The following IKBIP variants were observed in gnomAD, a reference collection of about 807,000 sequenced individuals.
IKBIP encodes inhibitor of nuclear factor kappa-B kinase-interacting protein.
A neutral mutation model predicts 31.0 loss-of-function variants in IKBIP; 28 were observed. That is an observed-to-expected ratio of 0.90 (90% CI 0.67 to 1.24). The LOEUF (loss-of-function observed/expected upper bound fraction) is 1.24. Among genes scored for constraint, IKBIP ranks in the 50% most tolerant of loss-of-function variants. IKBIP has a pLI of 0.00. For missense variants in IKBIP, 453 were observed against 441.9 expected (o/e 1.03, Z -0.23); for synonymous variants, 164 against 160.3 (o/e 1.02, Z -0.17).
At chr12:98,630,155 G>T (rs371729580) in intron 2 of IKBIP, among the ~76,000 whole-genome samples, 1 of 151,726 alleles carries the variant, frequency 6.6e-6, no homozygotes, top group African/African-American at 2.4e-5. Flanking sequence ...AGGCTGAGGC[G>T]GGTGGACCAC....
In IKBIP at chr12:98,614,824, GA is replaced by G. The variant is rs542380979; in HGVS notation, c.298-485del. Among the ~76,000 whole-genome samples, 278 of 152,266 alleles carry G rather than the reference GA, an allele frequency of 1.8e-3. 1 individual carries two copies. Among genetic ancestry groups the G allele is most frequent in the African/African-American group, 6.4e-3 (267 of 41,560 alleles). ...TAAGAGAATTTAGAACAATGTAAGT[GA>G]ATTACTAATGAATAAGAAGGAAACA... On this transcript the variant is annotated intron_variant, in intron 2 of 2. Transcript: ENST00000342502.
At position 98,626,007 on chromosome 12, in the gene IKBIP, C is replaced by T. The variant is rs148216565; in HGVS notation, c.1057G>A (p.Ala353Thr). The T allele has an allele frequency of 6.5e-7, 1 of 1,544,998 alleles. No individual in the cohort carries two copies. Among genetic ancestry groups the T allele is most frequent in the Non-Finnish European group, 8.8e-7 (1 of 1,140,986 alleles). Residue 353 changes from alanine (A) to threonine (T), a missense_variant, in exon 3 of 3, where the codon GCA (alanine) becomes ACA (threonine). By Grantham distance (58) the Ala-to-Thr change is moderately conservative (BLOSUM62 0). Coordinates refer to ENST00000299157, the MANE Select transcript of IKBIP (RefSeq NM_153687.4). ...CCCTTTTCTCCTGTACTTGAGTATG[C>T]TATAAAATCATGAACTTTTTCTTTT... ...ILKEKVHDFIAYSSTGEKGTL... is the reference protein window; with the variant it reads ...ILKEKVHDFITYSSTGEKGTL...
chr12:98,637,835 C>T (rs1593000198), intron 1 of IKBIP, among the ~76,000 whole-genome samples: 1 of 152,214 alleles, frequency 6.6e-6, no homozygotes, highest in Non-Finnish European at 1.5e-5. Flanking sequence ...TGAGCCACCG[C>T]ACCCAGCCTA....
Position 98,624,585 on chromosome 12 carries a change from T to G in IKBIP, c.*1345A>C. ...TCCATCAAAAACTGCATTATAAAAC[T>G]GGTAAGGTTATTGACAAAGAAACAA... is the stretch of plus-strand genomic sequence containing the variant. On this transcript the variant is annotated 3_prime_UTR_variant, in exon 3 of 3. Transcript: ENST00000299157. The G allele has an allele frequency of 1.1e-6, 1 of 944,886 alleles. No homozygotes were observed. The highest frequency in any genetic ancestry group is 1.2e-4 in the East Asian group (1 of 8,652). 58.5% of individuals were successfully genotyped at this position (944,886 alleles called of 1,614,324 possible).
chr12:98,628,945 G>T (rs1018795022), intron 2 of IKBIP, among the ~76,000 whole-genome samples: 5 of 152,206 alleles, frequency 3.3e-5, no homozygotes, highest in Admixed American at 6.5e-5. Flanking sequence ...GGGGGCAATG[G>T]ATGCTTTGAG....
intron 1 of IKBIP, among the ~76,000 whole-genome samples, chr12:98,635,237 C>CCT (rs2097624796): frequency 6.6e-6 from 1 of 152,032 alleles, no homozygotes; most frequent in South Asian, 2.1e-4. Context: ...GAACTCCTGA[C>CCT]CAGTGATCTG....
chr12:98,632,512 A>AAATAT (rs1565842287), intron 2 of IKBIP, among the ~76,000 whole-genome samples: 4 of 22,794 alleles, frequency 1.8e-4, no homozygotes, highest in Admixed American at 1.0e-3. Context: ...AAAAAAAAAA[A>AAATAT]ATATATATAT....
At chr12:98,644,067 T>A (rs1013707687) in intron 1 of IKBIP, among the ~76,000 whole-genome samples, 1 of 152,192 alleles carries the variant, frequency 6.6e-6, no homozygotes, top group South Asian at 2.1e-4. Context: ...TCCACCTGCC[T>A]CGGTCTCCAA....
chr12:98,623,409 C>T (rs1169423028), downstream of IKBIP, among the ~76,000 whole-genome samples: 1 of 148,754 alleles, frequency 6.7e-6, no homozygotes, highest in Non-Finnish European at 1.5e-5. Flanking sequence ...CAGGGATGCG[C>T]TTTTTTTTGA....
chr12:98,619,432 CTTGG>C (rs1354167790), downstream of IKBIP, among the ~76,000 whole-genome samples: 1 of 152,152 alleles, frequency 6.6e-6, no homozygotes, highest in African/African-American at 2.4e-5. Context: ...CTTTGTTTCA[CTTGG>C]TTGTTTATAA....
At chr12:98,630,906 G>T (rs916403520) in intron 2 of IKBIP, among the ~76,000 whole-genome samples, 1 of 149,334 alleles carries the variant, frequency 6.7e-6, no homozygotes, top group Admixed American at 6.9e-5. Flanking sequence ...AAAAAGCTAC[G>T]AAAAGACTGA....
intron 1 of IKBIP, among the ~76,000 whole-genome samples, chr12:98,643,944 G>T (rs1445087641): frequency 1.3e-5 from 2 of 151,562 alleles, no homozygotes; most frequent in Non-Finnish European, 2.9e-5. Flanking sequence ...GCCTCCGGAG[G>T]AACTGGGACT....
chr12:98,629,054 T>C (rs918124513), intron 2 of IKBIP, among the ~76,000 whole-genome samples: 8 of 152,192 alleles, frequency 5.3e-5, no homozygotes, highest in African/African-American at 1.9e-4. Context: ...AGGGTGAAGA[T>C]GTGAAAGCTT....
In IKBIP at chr12:98,644,671, C is replaced by G. The variant is rs747503376; in HGVS notation, c.31G>C (p.Gly11Arg). 6.2e-7 allele frequency: 1 copy of G among 1,610,360 alleles called. No individual in the cohort carries two copies. The highest frequency in any genetic ancestry group is 1.1e-5 in the South Asian group (1 of 91,042). ...TCCGCAGCAGGGGCTCCCTTGGGCC[C>G]CGACTTCTTCCGGCTCTTCACCTCA... is the stretch of plus-strand genomic sequence containing the variant. MSEVKSRKKSGPKGAPAAEPG... is the reference protein window; with the variant it reads MSEVKSRKKSRPKGAPAAEPG... The change falls in exon 1 of 3, where the codon GGG becomes CGG. Residue 11 changes from glycine (G) to arginine (R), a missense_variant. Gly to Arg is a moderately radical substitution (Grantham distance 125). Coordinates refer to ENST00000299157, the MANE Select transcript of IKBIP (RefSeq NM_153687.4).
chr12:98,637,042 G>A (rs2153300381), intron 1 of IKBIP, among the ~76,000 whole-genome samples: 2 of 152,188 alleles, frequency 1.3e-5, no homozygotes, highest in Middle Eastern at 3.4e-3. Flanking sequence ...ATTATTATAA[G>A]AGACTTTCGT....
chr12:98,619,871 C>CAG (rs1244214921), downstream of IKBIP, among the ~76,000 whole-genome samples: 13 of 90,556 alleles, frequency 1.4e-4, no homozygotes, highest in East Asian at 4.6e-3. Context: ...GACCCTTTCT[C>CAG]AGAAAAAAAA....
At chr12:98,619,912 A>ATTATTTAT (rs531585772), downstream of IKBIP, among the ~76,000 whole-genome samples, 11 of 138,574 alleles carry the variant, frequency 7.9e-5, no homozygotes, top group East Asian at 1.8e-3. Flanking sequence ...CAGTGATTTG[A>ATTATTTAT]TTATTTATTT....
chr12:98,641,380 G>A lies in IKBIP; in HGVS notation c.179+3143C>T, dbSNP rs527947662. 4.6e-5 allele frequency among the ~76,000 whole-genome samples: 7 copies of A among 152,284 alleles called. No individual in the cohort carries two copies. In the South Asian group the frequency reaches 1.2e-3, roughly 27 times the overall value. On this transcript the variant is annotated intron_variant, in intron 1 of 2. Coordinates refer to ENST00000299157, the MANE Select transcript of IKBIP (RefSeq NM_153687.4). The stretch of plus-strand genomic sequence containing the variant: ...GACCGACTTTTAGATGCTGAATTAC[G>A]TGTTTTAGTGGTAAAGATCTCAATG...
intron 1 of IKBIP, 118 bp from the exon 2 acceptor site, chr12:98,634,531 TAGG>T: frequency 1.8e-6 from 1 of 541,514 alleles, no homozygotes; most frequent in Non-Finnish European, 3.2e-6. Context: ...TGGGTAGCTG[TAGG>T]TTTTTTTTTT....
Sources: allele counts gnomAD v4.1 joint callset (sites outside exome capture counted in the v4.1 genomes callset), GRCh38; gene constraint gnomAD v4.1.1; transcripts MANE v1.5; gene names NCBI Gene and HGNC (gene_info 2026-07-23, HGNC 2026-07-21).